SHOC2: variants seen among roughly 807,000 people sequenced by gnomAD.
SHOC2 encodes the protein SHOC2 leucine rich repeat scaffold protein, also known as leucine-rich repeat protein SHOC-2.
A neutral mutation model predicts 50.2 loss-of-function variants in SHOC2; 4 were observed. That is an observed-to-expected ratio of 0.08 (90% CI 0.04 to 0.18). SHOC2 has a LOEUF of 0.18. Among genes scored for constraint, SHOC2 ranks in the 10% least tolerant of loss-of-function variants. The pLI, the probability that SHOC2 is intolerant of heterozygous loss-of-function variation, is 1.00. For missense variants in SHOC2, 388 were observed against 669.6 expected (o/e 0.58, Z 4.64); for synonymous variants, 218 against 244.5 (o/e 0.89, Z 1.01).
Position 110,943,835 on chromosome 10 carries a change from C to T in SHOC2, c.-234-20290C>T, listed in dbSNP as rs536735727. Among the ~76,000 whole-genome samples, 51 of 152,346 alleles carry T rather than the reference C, an allele frequency of 3.3e-4. 1 individual carries two copies. The highest frequency in any genetic ancestry group is 1.1e-3 in the African/African-American group (47 of 41,578). On this transcript the variant is annotated intron_variant, in intron 1 of 8. Transcript: ENST00000369452. ...GGAATGGAATTAAGCATTCTGGTCACGGAAAGTCACATTGGCCTTCTATGG... is the reference window on the plus strand; with the variant it reads ...GGAATGGAATTAAGCATTCTGGTCATGGAAAGTCACATTGGCCTTCTATGG...
At chr10:110,987,213 C>T (rs1452895530) in intron 3 of SHOC2, among the ~76,000 whole-genome samples, 1 of 152,124 alleles carries the variant, frequency 6.6e-6, no homozygotes, top group Non-Finnish European at 1.5e-5. Flanking sequence ...TTAGTCATTA[C>T]GTTGTTAACT....
At chr10:110,950,038 C>T (rs549332738) in intron 1 of SHOC2, among the ~76,000 whole-genome samples, 1 of 152,156 alleles carries the variant, frequency 6.6e-6, no homozygotes, top group East Asian at 1.9e-4. Flanking sequence ...AAGTACTGTA[C>T]ATCTGAATCA....
intron 2 of SHOC2, among the ~76,000 whole-genome samples, chr10:110,978,778 C>T (rs895000364): frequency 6.6e-6 from 1 of 152,226 alleles, no homozygotes; most frequent in Non-Finnish European, 1.5e-5. Context: ...AGTATCCAAC[C>T]TTGAATTCCA....
intron 1 of SHOC2, among the ~76,000 whole-genome samples, 151 bp from the exon 2 acceptor site, chr10:110,963,974 G>A (rs1590803976): frequency 6.6e-6 from 1 of 152,098 alleles, no homozygotes; most frequent in African/African-American, 2.4e-5. Context: ...AAGCTGTGTA[G>A]TTTTAAATGG....
Position 111,000,452 on chromosome 10 carries a change from T to C in SHOC2, c.879T>C (p.Tyr293=), listed in dbSNP as rs773817796. The C allele has an allele frequency of 2.9e-5, 47 of 1,613,472 alleles. No homozygotes were observed. Among genetic ancestry groups the C allele is most frequent in the Non-Finnish European group, 3.6e-5 (43 of 1,179,570 alleles). The change falls in exon 4 of 9, where the codon TAT becomes TAC. Residue 293 remains tyrosine, a synonymous_variant. Transcript: ENST00000369452. ...GTTTAAGTCGTCTTGGTCTGAGATATAACAGACTGTCAGCAATACCCAGAT... is the reference window on the plus strand; with the variant it reads ...GTTTAAGTCGTCTTGGTCTGAGATACAACAGACTGTCAGCAATACCCAGAT... ...LSSLSRLGLR[Y]NRLSAIPRSL... is the part of the protein sequence containing the mutation.
intron 3 of SHOC2, among the ~76,000 whole-genome samples, chr10:110,987,159 G>A (rs1449046471): frequency 6.6e-6 from 1 of 152,132 alleles, no homozygotes; most frequent in African/African-American, 2.4e-5. Context: ...TATCTCCATT[G>A]TTTTGCTTGT....
At chr10:110,965,594 T>C (rs1194813427) in intron 2 of SHOC2, among the ~76,000 whole-genome samples, 6 of 152,092 alleles carry the variant, frequency 3.9e-5, no homozygotes, top group Non-Finnish European at 7.4e-5. Context: ...TACTTACATG[T>C]TTATTAAAAA....
intron 1 of SHOC2, among the ~76,000 whole-genome samples, chr10:110,936,393 G>A (rs1305491561): frequency 1.3e-5 from 2 of 151,672 alleles, no homozygotes; most frequent in East Asian, 1.9e-4. Context: ...GTGAGCCACC[G>A]CACCCAGCCT....
chr10:110,998,705 C>G (rs564720763), intron 3 of SHOC2, among the ~76,000 whole-genome samples: 7 of 152,084 alleles, frequency 4.6e-5, no homozygotes, highest in Non-Finnish European at 8.8e-5. Flanking sequence ...CATTTTTCTG[C>G]GTTATAGTTG....
chr10:111,006,629 C>T (rs1848473361), intron 5 of SHOC2, among the ~76,000 whole-genome samples: 2 of 152,198 alleles, frequency 1.3e-5, no homozygotes, highest in African/African-American at 4.8e-5. Flanking sequence ...CTCGGCCTCC[C>T]AAAGTGCTGG....
chr10:110,920,557 T>C (rs536514728), intron 1 of SHOC2, among the ~76,000 whole-genome samples: 2 of 152,354 alleles, frequency 1.3e-5, no homozygotes, highest in African/African-American at 4.8e-5. Context: ...TTCCTTTCTT[T>C]AAGCAGGCAG....
intron 1 of SHOC2, among the ~76,000 whole-genome samples, chr10:110,935,752 G>T (rs1251554308): frequency 6.6e-6 from 1 of 151,928 alleles, no homozygotes; most frequent in Admixed American, 6.6e-5. Context: ...GTTAACAATT[G>T]AAATATACTT....
intron 5 of SHOC2, among the ~76,000 whole-genome samples, chr10:111,007,239 T>C (rs910164389): frequency 1.3e-5 from 2 of 152,202 alleles, no homozygotes; most frequent in African/African-American, 2.4e-5. Context: ...ATATTTATCA[T>C]AGGATCTTTG....
rs1445533053 is a variant in SHOC2 at position 110,964,341 on chromosome 10, G to A, written c.-18G>A. The stretch of plus-strand genomic sequence containing the variant: ...AATAAAAGGAGTTCATGTAGTTTTT[G>A]TCCAGGCTTGAGTCACCATGAGTAG... On this transcript the variant is annotated 5_prime_UTR_variant, in exon 2 of 9. Transcript: ENST00000369452. The surrounding 1 kb of genome is among the most constrained non-coding windows in gnomAD (Gnocchi z 4.9). The A allele has an allele frequency of 6.2e-7, 1 of 1,611,294 alleles. No individual in the cohort carries two copies. The highest frequency in any genetic ancestry group is 8.5e-7 in the Non-Finnish European group (1 of 1,178,672).
At chr10:110,961,758 T>A (rs1049296416) in intron 1 of SHOC2, among the ~76,000 whole-genome samples, 1 of 152,170 alleles carries the variant, frequency 6.6e-6, no homozygotes, top group African/African-American at 2.4e-5. Context: ...TGGGAAGTCC[T>A]TTTAGATTTC....
At chr10:110,926,181 A>G (rs765833250) in intron 1 of SHOC2, among the ~76,000 whole-genome samples, 5 of 152,090 alleles carry the variant, frequency 3.3e-5, no homozygotes, top group Non-Finnish European at 5.9e-5. Context: ...TTATAACACT[A>G]TTTTTGTAAT....
intron 1 of SHOC2, among the ~76,000 whole-genome samples, chr10:110,957,607 G>C (rs951536707): frequency 7.0e-6 from 1 of 141,972 alleles, no homozygotes; most frequent in African/African-American, 2.7e-5. Context: ...AATTATCTAA[G>C]AAACTAATGG....
In SHOC2 at chr10:111,009,776, C is replaced by G. The variant is rs1342403876; in HGVS notation, c.1486C>G (p.Leu496Val). 1 of 1,613,346 alleles carries G rather than the reference C, an allele frequency of 6.2e-7. No homozygotes were observed. Among genetic ancestry groups the G allele is most frequent in the Admixed American group, 1.7e-5 (1 of 60,016 alleles). The change falls in exon 8 of 9, where the codon CTC (leucine) becomes GTC (valine). Residue 496 changes from leucine to valine, a missense_variant. By Grantham distance (32) the Leu-to-Val change is conservative. This residue lies in a region of SHOC2 where 130 missense variants were observed against 208.6 expected (regional missense o/e 0.62). Transcript: ENST00000369452. The part of the protein sequence containing the change: ...LPRGIGHLTN[L>V]THLGLGENLL... ...CAGAGGCATTGGTCACCTTACTAAT[C>G]TCACACATCTGGGCCTTGGAGAGAA...
At chr10:110,969,906 G>A (rs1455455665) in intron 2 of SHOC2, among the ~76,000 whole-genome samples, 1 of 151,964 alleles carries the variant, frequency 6.6e-6, no homozygotes, top group African/African-American at 2.4e-5. Context: ...AAATAATAAT[G>A]AGAAATAATA....
Sources: allele counts gnomAD v4.1 joint callset (sites outside exome capture counted in the v4.1 genomes callset), GRCh38; gene constraint gnomAD v4.1.1; regional missense constraint gnomAD v4.1.1; non-coding constraint Gnocchi (gnomAD v3.1); transcripts MANE v1.5; gene names NCBI Gene and HGNC (gene_info 2026-07-23, HGNC 2026-07-21).